TLN2: variants seen among roughly 807,000 people sequenced by gnomAD.
TLN2 encodes talin-2.
A neutral mutation model predicts 294.7 loss-of-function variants in TLN2; 118 were observed. The ratio of observed to expected loss-of-function variants is 0.40; its 90% confidence interval spans 0.34 to 0.47. The LOEUF (loss-of-function observed/expected upper bound fraction) is 0.47. TLN2 is among the 20% of genes least tolerant of loss of function. The pLI, the probability that TLN2 is intolerant of heterozygous loss-of-function variation, is 0.84. For synonymous variants in TLN2, 1,431 were observed against 1,304.5 expected, an observed-to-expected ratio of 1.10 and a Z score of -2.09; for missense variants, 3,083 against 3,282.2, an observed-to-expected ratio of 0.94 and a Z score of 1.48.
chr15:62,527,106 C>T (rs1267089947), intron 1 of TLN2, among the ~76,000 whole-genome samples: 1 of 152,126 alleles, frequency 6.6e-6, no homozygotes, highest in Non-Finnish European at 1.5e-5. Flanking sequence ...AGACAAGTGC[C>T]TTCAGGGATG....
intron 9 of TLN2, among the ~76,000 whole-genome samples, chr15:62,667,913 G>C (rs2054911062): frequency 6.6e-6 from 1 of 152,250 alleles, no homozygotes; most frequent in East Asian, 1.9e-4. Context: ...GATGGACCTA[G>C]AGGACATTAT....
At chr15:62,632,413 T>G (rs1397947941) in intron 3 of TLN2, among the ~76,000 whole-genome samples, 1 of 152,178 alleles carries the variant, frequency 6.6e-6, no homozygotes, top group East Asian at 1.9e-4. Flanking sequence ...TGGAAGGACT[T>G]TAGTGATCAG....
rs28421887 is a variant in TLN2, at chr15:62,508,433, T to A, written c.-237-81254T>A. Among the ~76,000 whole-genome samples, 1,440 of 152,268 alleles carry A rather than the reference T, an allele frequency of 9.5e-3. 25 individuals carry two copies. Among genetic ancestry groups the A allele is most frequent in the African/African-American group, 0.033 (1,376 of 41,536 alleles). ...GGTTTCACCATCTTGGCCAGGCTGG[T>A]CTCGAACTCCTGACCTTGTGATCCA... On this transcript the variant is annotated intron_variant, in intron 1 of 58. Transcript: ENST00000636159.
chr15:62,527,398 T>C (rs575660973), intron 1 of TLN2, among the ~76,000 whole-genome samples: 2 of 152,304 alleles, frequency 1.3e-5, no homozygotes, highest in South Asian at 4.1e-4. Flanking sequence ...AGCTGTATTA[T>C]GCTAAAGCAA....
chr15:62,834,475 C>G (rs181207606), intron 55 of TLN2: 1 of 152,168 alleles, frequency 6.6e-6, no homozygotes, highest in Admixed American at 6.5e-5. Flanking sequence ...CCCAAGAACT[C>G]GCAGTACAGA....
chr15:62,390,966 T>A (rs1409331553), intron 1 of TLN2, among the ~76,000 whole-genome samples: 1 of 152,230 alleles, frequency 6.6e-6, no homozygotes, highest in Non-Finnish European at 1.5e-5. Context: ...GCGCAGCGGT[T>A]TGCAAACAGC....
At chr15:62,647,479 A>G in intron 4 of TLN2, 33 bp downstream of exon 4, 1 of 1,612,480 alleles carries the variant, frequency 6.2e-7, no homozygotes, top group South Asian at 1.1e-5. Flanking sequence ...GCTTCTTAAA[A>G]CGTGTTTGCA....
At chr15:62,773,829 C>T (rs1317617012) in intron 42 of TLN2, among the ~76,000 whole-genome samples, 1 of 152,174 alleles carries the variant, frequency 6.6e-6, no homozygotes, top group Non-Finnish European at 1.5e-5. Context: ...CCCTAAGGTA[C>T]TGGTAGAGAC....
At chr15:62,768,802 C>T (rs1450449721) in intron 41 of TLN2, among the ~76,000 whole-genome samples, 1 of 152,212 alleles carries the variant, frequency 6.6e-6, no homozygotes, top group Non-Finnish European at 1.5e-5. Flanking sequence ...AGCACCTAGC[C>T]TTTACTGAGT....
In TLN2 at chr15:62,404,598, C is replaced by T. The variant is rs146372914; in HGVS notation, c.-238+13913C>T. 6.7e-3 allele frequency among the ~76,000 whole-genome samples: 1,027 copies of T among 152,260 alleles called. 13 individuals are homozygous for T. Among genetic ancestry groups the T allele is most frequent in the Non-Finnish European group, 8.1e-3 (553 of 68,006 alleles). ...TCCTCTTCTTTCTTCATTTGCATTG[C>T]TTCAATATAGTCCATTTAATTACTT... On this transcript the variant is annotated intron_variant, in intron 1 of 58. Coordinates refer to ENST00000636159, the MANE Select transcript of TLN2 (RefSeq NM_015059.3).
intron 44 of TLN2, 58 bp downstream of exon 44, chr15:62,781,299 C>A: frequency 2.2e-6 from 3 of 1,349,830 alleles, no homozygotes; most frequent in South Asian, 1.2e-5. Flanking sequence ...CCACTGCCGC[C>A]GCTGAGCCTG....
intron 3 of TLN2, among the ~76,000 whole-genome samples, chr15:62,630,513 G>A (rs992481563): frequency 1.3e-5 from 2 of 152,144 alleles, no homozygotes; most frequent in African/African-American, 4.8e-5. Flanking sequence ...CACAGACGTC[G>A]GGATCTCATC....
At chr15:62,790,941 G>A (rs1461429844) in intron 45 of TLN2, among the ~76,000 whole-genome samples, 4 of 152,218 alleles carry the variant, frequency 2.6e-5, no homozygotes, top group Non-Finnish European at 4.4e-5. Flanking sequence ...TATTCTGCAT[G>A]GAGGTAGTCA....
chr15:62,581,175 C>T (rs1167753728), intron 1 of TLN2, among the ~76,000 whole-genome samples: 4 of 152,174 alleles, frequency 2.6e-5, no homozygotes, highest in Non-Finnish European at 5.9e-5. Flanking sequence ...ACACCGCGCC[C>T]GGCCCAACCA....
At chr15:62,541,629 G>T (rs2041693286) in intron 1 of TLN2, among the ~76,000 whole-genome samples, 1 of 152,074 alleles carries the variant, frequency 6.6e-6, no homozygotes, top group South Asian at 2.1e-4. Flanking sequence ...GAGAGGAGGG[G>T]ATTGAGATGG....
chr15:62,571,028 A>G (rs1456303985), intron 1 of TLN2, among the ~76,000 whole-genome samples: 1 of 151,986 alleles, frequency 6.6e-6, no homozygotes, highest in African/African-American at 2.4e-5. Context: ...CCTGGTCATA[A>G]TGTGGGTCTC....
intron 2 of TLN2, among the ~76,000 whole-genome samples, chr15:62,602,651 G>A (rs1375454075): frequency 6.6e-6 from 1 of 152,142 alleles, no homozygotes; most frequent in Non-Finnish European, 1.5e-5. Flanking sequence ...GCACTTGCTG[G>A]TTTACAGATG....
intron 1 of TLN2, among the ~76,000 whole-genome samples, chr15:62,407,754 T>TAAAATACA (rs2033497888): frequency 6.6e-6 from 1 of 151,758 alleles, no homozygotes; most frequent in African/African-American, 2.4e-5. Context: ...CCATCTCTAC[T>TAAAATACA]AAAATACAAA....
intron 1 of TLN2, among the ~76,000 whole-genome samples, chr15:62,582,231 CACACACACACACACA>C (rs2045154478): frequency 6.9e-6 from 1 of 145,682 alleles, no homozygotes; most frequent in African/African-American, 2.5e-5. Flanking sequence ...CACACACACA[CACACACACACACACA>C]CATTCATGCC....
Sources: gnomAD v4.1 joint callset for allele counts (sites outside exome capture counted in the v4.1 genomes callset) on GRCh38, gnomAD v4.1.1 for gene constraint, MANE v1.5 for transcripts, NCBI Gene and HGNC (gene_info 2026-07-23, HGNC 2026-07-21) for gene names.